The following ENTPD8 variants were observed in gnomAD, a reference collection of about 807,000 sequenced individuals.
ENTPD8 encodes the protein E-NTPDase 8.
A neutral mutation model predicts 47.0 loss-of-function variants in ENTPD8; 35 were observed. That is an observed-to-expected ratio of 0.75 (90% CI 0.57 to 0.99). The LOEUF is 0.99. Ranked by LOEUF, ENTPD8 falls within the 50% of genes least tolerant of loss-of-function variation. The pLI, the probability that ENTPD8 is intolerant of heterozygous loss-of-function variation, is 0.00. For synonymous variants in ENTPD8, 308 were observed against 290.5 expected, an observed-to-expected ratio of 1.06 and a Z score of -0.61; for missense variants, 668 against 649.9, an observed-to-expected ratio of 1.03 and a Z score of -0.30.
intron 7 of ENTPD8, 72 bp downstream of exon 7, chr9:137,435,941 C>T: frequency 6.2e-7 from 1 of 1,601,320 alleles, no homozygotes; most frequent in Non-Finnish European, 8.5e-7. Context: ...CCTGGGCCTG[C>T]TGGAGTCAGA....
chr9:137,435,571 A>T, intron 8 of ENTPD8, 148 bp downstream of exon 8: 1 of 1,016,156 alleles, frequency 9.8e-7, no homozygotes, highest in Non-Finnish European at 1.4e-6. Flanking sequence ...TCCTACCTGG[A>T]GTGGCACGGC....
chr9:137,434,797 C>G lies in ENTPD8; in HGVS notation c.*117G>C. The G allele has an allele frequency of 7.6e-7, 1 of 1,314,480 alleles. No homozygotes were observed. Among genetic ancestry groups the G allele is most frequent in the Non-Finnish European group, 1.0e-6 (1 of 988,828 alleles). The allele number at this position is 1,314,480 out of a possible 1,614,324, so 81.4% of individuals were successfully genotyped here. A position where few individuals can be genotyped will look rare whatever the true frequency, so the allele number is the denominator to read the frequency against. On this transcript the variant is annotated 3_prime_UTR_variant, in exon 10 of 10. Coordinates refer to ENST00000371506, the MANE Select transcript of ENTPD8 (RefSeq NM_001033113.2). The stretch of plus-strand genomic sequence containing the variant: ...GACGGTGCCCTGGAGGTGGCTGTCA[C>G]CTGACCGTGGGCAGAGCCACAGAGC...
At chr9:137,439,140 C>T (rs1193490149) in intron 1 of ENTPD8, among the ~76,000 whole-genome samples, 2 of 152,166 alleles carry the variant, frequency 1.3e-5, no homozygotes, top group Non-Finnish European at 2.9e-5. Flanking sequence ...AAATCCAGCC[C>T]AAGGCTTCCC....
In ENTPD8 at chr9:137,434,599, CCT is replaced by C; in HGVS notation, c.*313_*314del. On this transcript the variant is annotated 3_prime_UTR_variant, in exon 10 of 10. Coordinates refer to ENST00000371506, the MANE Select transcript of ENTPD8 (RefSeq NM_001033113.2). ...GACCCCTGTGCCTCCGTGGTCTTGCCCTGTTTGCAGGCAGCATGTGGCCCTGC... is the reference window on the plus strand; with the variant it reads ...GACCCCTGTGCCTCCGTGGTCTTGCCGTTTGCAGGCAGCATGTGGCCCTGC... The C allele has an allele frequency of 1.7e-6, 1 of 591,930 alleles. No homozygotes were observed. Among genetic ancestry groups the C allele is most frequent in the South Asian group, 2.3e-5 (1 of 43,400 alleles). 36.7% of individuals were successfully genotyped at this position (591,930 alleles called of 1,614,324 possible).
rs1564246199 is a variant in ENTPD8 at position 137,436,159 on chromosome 9, G to A, written c.904C>T (p.Pro302Ser). 6.2e-7 allele frequency: 1 copy of A among 1,612,976 alleles called. No individual in the cohort carries two copies. Among genetic ancestry groups the A allele is most frequent in the East Asian group, 2.2e-5 (1 of 44,884 alleles). Residue 302 changes from proline to serine, a missense_variant, in exon 7 of 10, where the codon CCC (proline) becomes TCC (serine). By Grantham distance (74) the Pro-to-Ser change is moderately conservative (BLOSUM62 -1). Coordinates refer to ENST00000371506, the MANE Select transcript of ENTPD8 (RefSeq NM_001033113.2). The part of the protein sequence containing the change: ...CVHATPPLSL[P>S]QNLTVEGTGN... ...GTCCCTTCAACTGTGAGGTTCTGGG[G>A]GAGGCTCAGCGGGGGCGTGGCGTGG...
intron 9 of ENTPD8, 33 bp from the exon 10 acceptor site, chr9:137,435,138 G>A: frequency 1.9e-6 from 3 of 1,602,580 alleles, no homozygotes; most frequent in Admixed American, 1.7e-5. Flanking sequence ...GGGCTGCGGG[G>A]CAGCTACCCC....
Position 137,435,293 on chromosome 9 carries a change from A to C in ENTPD8, c.1207T>G (p.Cys403Gly). 2 of 1,612,444 alleles carry C rather than the reference A, an allele frequency of 1.2e-6. No homozygotes were observed. Among genetic ancestry groups the C allele is most frequent in the Middle Eastern group, 1.7e-4 (1 of 5,976 alleles). Residue 403 changes from cysteine (C) to glycine (G), a missense_variant, in exon 9 of 10, where the codon TGT (cysteine) becomes GGT (glycine). By Grantham distance (159) the Cys-to-Gly change is radical. Coordinates refer to ENST00000371506, the MANE Select transcript of ENTPD8 (RefSeq NM_001033113.2). ...GTGAGGATGTACAGGCCTGAGGCAC[A>C]GTAGTCCCGCAGCCAGCGGTCCTGC... ...PGQDRWLRDY[C>G]ASGLYILTLL...
At chr9:137,439,046 G>A (rs1359864991) in intron 1 of ENTPD8, among the ~76,000 whole-genome samples, 3 of 152,110 alleles carry the variant, frequency 2.0e-5, no homozygotes, top group African/African-American at 4.8e-5. Context: ...GACTGTTGCC[G>A]AGGGGCTGTG....
Position 137,436,984 on chromosome 9 carries a change from G to C in ENTPD8, c.440C>G (p.Thr147Ser). ...CACGGGAGACCGGCCCAGGACCTGG[G>C]TGACTGCTGCAAAGATGTCCCTGGC... The part of the protein sequence containing the change: ...SQARDIFAAV[T>S]QVLGRSPVDF... The change falls in exon 5 of 10, where the codon ACC becomes AGC. Residue 147 changes from threonine (T) to serine (S), a missense_variant. Physicochemically the swap from Thr to Ser is moderately conservative, Grantham distance 58. Transcript: ENST00000371506. 6.2e-7 allele frequency: 1 copy of C among 1,612,980 alleles called. No homozygotes were observed. Among genetic ancestry groups the C allele is most frequent in the Non-Finnish European group, 8.5e-7 (1 of 1,179,954 alleles).
chr9:137,435,947 TCAGA>T, intron 7 of ENTPD8, 62 bp downstream of exon 7: 10 of 1,602,162 alleles, frequency 6.2e-6, no homozygotes, highest in Non-Finnish European at 8.5e-6. Context: ...CCTGCTGGAG[TCAGA>T]CAGGCACCTG....
In ENTPD8 at chr9:137,436,655, CA is replaced by C. The variant is rs1359762315; in HGVS notation, c.651del (p.Gly219AlafsTer35). On this transcript the variant is annotated frameshift_variant, in exon 6 of 10. Transcript: ENST00000371506. LOFTEE classifies it high-confidence loss of function. ...GTGCTCTTGTCCAAGATGGGGCCCC[CA>C]GGCACGAACGTGATCTGGGTGGAGG... is the stretch of plus-strand genomic sequence containing the variant. ...GGASTQITFVPGGPILDKSTQ... is the reference protein window; with the variant it reads ...GGASTQITFVXGGPILDKSTQ... The C allele has an allele frequency of 6.2e-7, 1 of 1,600,576 alleles. No individual in the cohort carries two copies. Among genetic ancestry groups the C allele is most frequent in the South Asian group, 1.1e-5 (1 of 89,360 alleles).
In ENTPD8 at chr9:137,436,120, C is replaced by T. The variant is rs774907387; in HGVS notation, c.943G>A (p.Ala315Thr). The change falls in exon 7 of 10, where the codon GCC becomes ACC. Residue 315 changes from alanine (A) to threonine (T), a missense_variant. Coordinates refer to ENST00000371506, the MANE Select transcript of ENTPD8 (RefSeq NM_001033113.2). ...AGTTCCCGGATGGCTGAGACGCAGGCTCCAGGGTTGCCTGTCCCTTCAACT... is the reference window on the plus strand; with the variant it reads ...AGTTCCCGGATGGCTGAGACGCAGGTTCCAGGGTTGCCTGTCCCTTCAACT... ...LTVEGTGNPG[A>T]CVSAIRELFN... The T allele has an allele frequency of 1.9e-6, 3 of 1,613,028 alleles. No homozygotes were observed. Among genetic ancestry groups the T allele is most frequent in the Non-Finnish European group, 2.5e-6 (3 of 1,179,992 alleles).
In ENTPD8 at chr9:137,438,439, G is replaced by A; in HGVS notation, c.-20-134C>T. On this transcript the variant is annotated intron_variant, in intron 1 of 9. Coordinates refer to ENST00000371506, the MANE Select transcript of ENTPD8 (RefSeq NM_001033113.2). This position sits in a 1 kb window ranked among gnomAD's most constrained non-coding sequence, Gnocchi z 5.7. ...CCACTTGCCTTAGAGGCATCTCCGG[G>A]GCTCAGACGCCTCCCGTGGCCATAG... is the stretch of plus-strand genomic sequence containing the variant. The A allele has an allele frequency of 9.8e-7, 1 of 1,016,396 alleles. No individual in the cohort carries two copies. Among genetic ancestry groups the A allele is most frequent in the Non-Finnish European group, 1.4e-6 (1 of 729,360 alleles). The allele number at this position is 1,016,396 out of a possible 1,614,324, so 63.0% of individuals were successfully genotyped here.
rs1420842526 is a variant in ENTPD8 at position 137,438,095 on chromosome 9, A to G, written c.127-11T>C. ...AAACACGATCCCAAACTGGGGAGAC[A>G]GTGGGATGAGTGGGAGGCAACACCT... On this transcript the variant is annotated splice_polypyrimidine_tract_variant and intron_variant, in intron 2 of 9. Coordinates refer to ENST00000371506, the MANE Select transcript of ENTPD8 (RefSeq NM_001033113.2). This position sits in a 1 kb window ranked among gnomAD's most constrained non-coding sequence, Gnocchi z 5.7. 4 of 1,612,288 alleles carry G rather than the reference A, an allele frequency of 2.5e-6. No individual in the cohort carries two copies. The African/African-American group carries it at 4.0e-5, about 16-fold the overall frequency.
At position 137,434,789 on chromosome 9, in the gene ENTPD8, G is replaced by T; in HGVS notation, c.*125C>A. The stretch of plus-strand genomic sequence containing the variant: ...ACCACCCTGACGGTGCCCTGGAGGT[G>T]GCTGTCACCTGACCGTGGGCAGAGC... On this transcript the variant is annotated 3_prime_UTR_variant, in exon 10 of 10. Transcript: ENST00000371506. 1 of 1,224,104 alleles carries T rather than the reference G, an allele frequency of 8.2e-7. No individual in the cohort carries two copies. Among genetic ancestry groups the T allele is most frequent in the Non-Finnish European group, 1.1e-6 (1 of 907,930 alleles). The allele number at this position is 1,224,104 out of a possible 1,614,324, so 75.8% of individuals were successfully genotyped here. A position where few individuals can be genotyped will look rare whatever the true frequency, so the allele number is the denominator to read the frequency against.
Position 137,436,156 on chromosome 9 carries a change from G to T in ENTPD8, c.907C>A (p.Gln303Lys), listed in dbSNP as rs754524768. The change falls in exon 7 of 10, where the codon CAG becomes AAG. Residue 303 changes from glutamine (Q) to lysine (K), a missense_variant. By Grantham distance (53) the Gln-to-Lys change is moderately conservative (BLOSUM62 1). Coordinates refer to ENST00000371506, the MANE Select transcript of ENTPD8 (RefSeq NM_001033113.2). Reference protein sequence around the residue: ...VHATPPLSLPQNLTVEGTGNP... With the variant: ...VHATPPLSLPKNLTVEGTGNP... Reference sequence around the variant, plus strand: ...CCTGTCCCTTCAACTGTGAGGTTCTGGGGGAGGCTCAGCGGGGGCGTGGCG... The same window carrying T: ...CCTGTCCCTTCAACTGTGAGGTTCTTGGGGAGGCTCAGCGGGGGCGTGGCG... The T allele has an allele frequency of 1.2e-6, 2 of 1,612,852 alleles. No individual in the cohort carries two copies. Among genetic ancestry groups the T allele is most frequent in the African/African-American group, 1.3e-5 (1 of 74,934 alleles).
chr9:137,438,828 C>A lies in ENTPD8; in HGVS notation c.-20-523G>T, dbSNP rs1839440512. On this transcript the variant is annotated intron_variant, in intron 1 of 9. Coordinates refer to ENST00000371506, the MANE Select transcript of ENTPD8 (RefSeq NM_001033113.2). This position sits in a 1 kb window ranked among gnomAD's most constrained non-coding sequence, Gnocchi z 5.7. ...GCAGGATCCAAGTAGCCCCCTCGGA[C>A]CCCCTCGGATGGGACTCGCGGAGCT... Among the ~76,000 whole-genome samples the A allele has an allele frequency of 6.6e-6, 1 of 152,114 alleles. No homozygotes were observed. The highest frequency in any genetic ancestry group is 1.5e-5 in the Non-Finnish European group (1 of 67,986).
chr9:137,434,434 G>C lies in ENTPD8; in HGVS notation c.*480C>G. ...CTCACCCTCCAAGTGGGTGTGGGAG[G>C]CCGGGCTGGCCCAGCAGAAGCCCCC... On this transcript the variant is annotated 3_prime_UTR_variant, in exon 10 of 10. Transcript: ENST00000371506. 6.8e-7 allele frequency: 1 copy of C among 1,476,322 alleles called. No individual in the cohort carries two copies. Among genetic ancestry groups the C allele is most frequent in the Non-Finnish European group, 9.0e-7 (1 of 1,107,186 alleles). The allele number at this position is 1,476,322 out of a possible 1,614,324, so 91.5% of individuals were successfully genotyped here. A position where few individuals can be genotyped will look rare whatever the true frequency, so the allele number is the denominator to read the frequency against.
At chr9:137,435,929 C>T in intron 7 of ENTPD8, 84 bp downstream of exon 7, 2 of 1,602,308 alleles carry the variant, frequency 1.2e-6, no homozygotes, top group Non-Finnish European at 1.7e-6. Flanking sequence ...GCCTGGGCCC[C>T]TCCTGGGCCT....
Sources: gnomAD v4.1 joint callset for allele counts (sites outside exome capture counted in the v4.1 genomes callset) on GRCh38, gnomAD v4.1.1 for gene constraint, Gnocchi (gnomAD v3.1) non-coding constraint, MANE v1.5 for transcripts, NCBI Gene and HGNC (gene_info 2026-07-23, HGNC 2026-07-21) for gene names.